RFX7: variants seen among roughly 807,000 people sequenced by gnomAD.
RFX7 encodes the protein DNA-binding protein RFX7.
A neutral mutation model predicts 111.8 loss-of-function variants in RFX7; 26 were observed. The ratio of observed to expected loss-of-function variants is 0.23; its 90% CI spans 0.17 to 0.32. The LOEUF (loss-of-function observed/expected upper bound fraction) is 0.32. RFX7 is among the 10% of genes least tolerant of loss of function. The probability of loss-of-function intolerance (pLI) is 1.00; values close to 1 mark genes in which losing one functional copy is unlikely to be tolerated. For missense variants in RFX7, 1,573 were observed against 1,772.9 expected, an observed-to-expected ratio of 0.89 and a Z score of 2.02; for synonymous variants, 624 against 624.4, an observed-to-expected ratio of 1.00 and a Z score of 0.01.
chr15:56,174,875 G>C (rs1015278708), intron 3 of RFX7, among the ~76,000 whole-genome samples: 1 of 151,796 alleles, frequency 6.6e-6, no homozygotes, highest in Non-Finnish European at 1.5e-5. Context: ...ACTTCATATT[G>C]TATGGTGAAT....
chr15:56,120,504 T>C (rs2042062841), intron 5 of RFX7, among the ~76,000 whole-genome samples: 1 of 152,208 alleles, frequency 6.6e-6, no homozygotes, highest in Non-Finnish European at 1.5e-5. Flanking sequence ...CTGATTGCTC[T>C]AGCTAGCACT....
At chr15:56,243,068 C>T in intron 2 of RFX7, 57 bp downstream of exon 2, 1 of 1,245,096 alleles carries the variant, frequency 8.0e-7, no homozygotes, top group Non-Finnish European at 1.1e-6. Flanking sequence ...CCCCCACCCA[C>T]TTTGCAGCAG....
chr15:56,241,266 G>A (rs1344199833), intron 2 of RFX7, among the ~76,000 whole-genome samples: 9 of 152,016 alleles, frequency 5.9e-5, no homozygotes, highest in African/African-American at 2.2e-4. Context: ...AGGCTGTAAT[G>A]GATGTGCCAA....
chr15:56,169,700 C>CTT (rs35597885), intron 3 of RFX7, among the ~76,000 whole-genome samples: 9 of 96,884 alleles, frequency 9.3e-5, no homozygotes, highest in Non-Finnish European at 1.6e-4. Flanking sequence ...CTAGTCAGTT[C>CTT]TTTTTTTTTT....
intron 3 of RFX7, among the ~76,000 whole-genome samples, chr15:56,166,956 A>G (rs762634731): frequency 6.6e-6 from 1 of 152,064 alleles, no homozygotes; most frequent in Non-Finnish European, 1.5e-5. Flanking sequence ...TATTCCAAGG[A>G]GCATATTTTG....
At chr15:56,201,284 T>C (rs2043190902) in intron 2 of RFX7, among the ~76,000 whole-genome samples, 1 of 152,194 alleles carries the variant, frequency 6.6e-6, no homozygotes, top group Non-Finnish European at 1.5e-5. Flanking sequence ...TTCAATGTCC[T>C]GTAGTCCTCC....
chr15:56,175,925 G>T (rs187519637), intron 3 of RFX7, among the ~76,000 whole-genome samples: 5 of 152,090 alleles, frequency 3.3e-5, no homozygotes. Flanking sequence ...CAACATATTG[G>T]GAAGTGTTTA....
intron 2 of RFX7, among the ~76,000 whole-genome samples, chr15:56,200,897 G>T (rs2043187210): frequency 6.6e-6 from 1 of 151,720 alleles, no homozygotes; most frequent in South Asian, 2.1e-4. Context: ...TACTTTAGGT[G>T]CCACTAATAG....
chr15:56,100,077 A>G (rs4142481), intron 8 of RFX7, among the ~76,000 whole-genome samples: 20,037 of 152,202 alleles, frequency 0.13, 1,747 homozygotes, highest in East Asian at 0.46. Flanking sequence ...TTATTTTACT[A>G]TATGACATTA....
chr15:56,163,170 T>A (rs2042744451), intron 3 of RFX7, among the ~76,000 whole-genome samples: 2 of 152,148 alleles, frequency 1.3e-5, no homozygotes, highest in African/African-American at 4.8e-5. Flanking sequence ...AAGCATGCTT[T>A]CTCTTGTAAA....
chr15:56,216,010 G>A (rs1312901317), intron 2 of RFX7, among the ~76,000 whole-genome samples: 1 of 152,116 alleles, frequency 6.6e-6, no homozygotes, highest in Non-Finnish European at 1.5e-5. Flanking sequence ...ATTCAAGAGA[G>A]TGAAAATGGA....
chr15:56,159,070 CAT>C (rs1310834056), intron 3 of RFX7, among the ~76,000 whole-genome samples: 1 of 152,106 alleles, frequency 6.6e-6, no homozygotes, highest in Non-Finnish European at 1.5e-5. Flanking sequence ...TTCTCGATTC[CAT>C]ATATAAGTGA....
At chr15:56,122,621 T>C (rs1207500120) in intron 5 of RFX7, among the ~76,000 whole-genome samples, 1 of 152,092 alleles carries the variant, frequency 6.6e-6, no homozygotes, top group Non-Finnish European at 1.5e-5. Flanking sequence ...GCCTTCAGGG[T>C]TGTGAGTTGC....
At chr15:56,108,431 C>T (rs1453560468) in intron 5 of RFX7, among the ~76,000 whole-genome samples, 1 of 152,170 alleles carries the variant, frequency 6.6e-6, no homozygotes, top group Non-Finnish European at 1.5e-5. Context: ...ATCACATAAA[C>T]AGAACCAATG....
At chr15:56,178,201 A>ACG (rs1555423769) in intron 3 of RFX7, among the ~76,000 whole-genome samples, 3 of 150,616 alleles carry the variant, frequency 2.0e-5, no homozygotes, top group African/African-American at 7.4e-5. Flanking sequence ...ACACACACAC[A>ACG]CACACACACA....
At chr15:56,169,847 G>A (rs74017478) in intron 3 of RFX7, among the ~76,000 whole-genome samples, 4,541 of 151,368 alleles carry the variant, frequency 0.03, 260 homozygotes, top group African/African-American at 0.1. Context: ...TCTTTTAACA[G>A]GTGAGTATGG....
At chr15:56,221,279 TTTAAAAAACA>T (rs2043424227) in intron 2 of RFX7, among the ~76,000 whole-genome samples, 1 of 152,228 alleles carries the variant, frequency 6.6e-6, no homozygotes, top group Admixed American at 6.5e-5. Context: ...AGTATGGCCT[TTTAAAAAACA>T]TTAATTCTTC....
At chr15:56,181,792 A>T (rs1476332147) in intron 2 of RFX7, among the ~76,000 whole-genome samples, 2 of 148,626 alleles carry the variant, frequency 1.3e-5, no homozygotes, top group Non-Finnish European at 3.0e-5. Context: ...GTAAACCTCT[A>T]AAAAATATAT....
chr15:56,205,535 T>C (rs1392635218), intron 2 of RFX7, among the ~76,000 whole-genome samples: 1 of 152,236 alleles, frequency 6.6e-6, no homozygotes, highest in African/African-American at 2.4e-5. Flanking sequence ...CAAGTTTGAC[T>C]AACAAAACTT....
Sources: allele counts gnomAD v4.1 joint callset (sites outside exome capture counted in the v4.1 genomes callset), GRCh38; gene constraint gnomAD v4.1.1; transcripts MANE v1.5; gene names NCBI Gene and HGNC (gene_info 2026-07-23, HGNC 2026-07-21).